Variants in SPATS2 observed in about 807,000 individuals in gnomAD.
SPATS2 encodes the protein spermatogenesis associated serine rich 2.
Under a neutral mutation model 63.7 loss-of-function variants are expected in SPATS2, and 38 were observed. The ratio of observed to expected loss-of-function variants is 0.60; its 90% CI spans 0.46 to 0.78. The LOEUF is 0.78. SPATS2 is among the 30% of genes least tolerant of loss of function. SPATS2 has a pLI of 0.00. For missense variants in SPATS2, 588 were observed against 666.2 expected (o/e 0.88, Z 1.29); for synonymous variants, 207 against 232.9 (o/e 0.89, Z 1.01).
intron 6 of SPATS2, among the ~76,000 whole-genome samples, chr12:49,492,440 T>C (rs1459274578): frequency 6.6e-6 from 1 of 151,610 alleles, no homozygotes; most frequent in Non-Finnish European, 1.5e-5. Flanking sequence ...TAGGCTGGTG[T>C]CGAACGCCTG....
chr12:49,489,194 A>G (rs114968740), intron 4 of SPATS2, among the ~76,000 whole-genome samples: 2,066 of 152,266 alleles, frequency 0.014, 45 homozygotes, highest in African/African-American at 0.041. Flanking sequence ...CCGAAATTAA[A>G]CCACCTTTTC....
intron 2 of SPATS2, among the ~76,000 whole-genome samples, chr12:49,433,872 G>A (rs1311510789): frequency 6.6e-6 from 1 of 152,106 alleles, no homozygotes; most frequent in Non-Finnish European, 1.5e-5. Context: ...GCCTCATGAA[G>A]CTTTCCCCTT....
At chr12:49,478,917 A>G (rs1946161501) in intron 3 of SPATS2, among the ~76,000 whole-genome samples, 1 of 152,122 alleles carries the variant, frequency 6.6e-6, no homozygotes, top group African/African-American at 2.4e-5. Flanking sequence ...GAGTGTTACA[A>G]CAGCTCAGCG....
At chr12:49,504,770 C>CTTTTTTTTTTTTTTTTTT (rs745453843) in intron 9 of SPATS2, among the ~76,000 whole-genome samples, 6 of 98,852 alleles carry the variant, frequency 6.1e-5, no homozygotes, top group Non-Finnish European at 1.2e-4. Context: ...TTCTTTCTTT[C>CTTTTTTTTTTTTTTTTTT]TTTTTTTTTT....
chr12:49,434,537 A>G (rs994780687), intron 2 of SPATS2, among the ~76,000 whole-genome samples: 1 of 152,212 alleles, frequency 6.6e-6, no homozygotes, highest in Non-Finnish European at 1.5e-5. Flanking sequence ...ATAAATATAA[A>G]AACTTTAGGC....
chr12:49,489,315 T>G, intron 4 of SPATS2, 150 bp from the exon 5 acceptor site: 2 of 490,968 alleles, frequency 4.1e-6, no homozygotes, highest in Non-Finnish European at 7.1e-6. Context: ...TCATTCCCAG[T>G]GAGATGCTTG....
intron 8 of SPATS2, among the ~76,000 whole-genome samples, chr12:49,498,145 A>AAAATATATATATATATATATAT (rs66900382): frequency 3.7e-4 from 37 of 98,944 alleles, no homozygotes; most frequent in Middle Eastern, 4.9e-3. Context: ...AAAAAAAAAA[A>AAAATATATATATATATATATAT]ATATATATAT....
intron 3 of SPATS2, chr12:49,462,265 CT>C: frequency 1.4e-6 from 1 of 702,238 alleles, no homozygotes; most frequent in Non-Finnish European, 2.6e-6. Flanking sequence ...CCTCTCTCAA[CT>C]CCTCACAGGA....
At chr12:49,480,004 A>T (rs987413056) in intron 3 of SPATS2, among the ~76,000 whole-genome samples, 2 of 152,202 alleles carry the variant, frequency 1.3e-5, no homozygotes, top group Non-Finnish European at 2.9e-5. Flanking sequence ...AAGAGAGGAT[A>T]TTCTGGGAGG....
At chr12:49,385,300 C>T (rs2137211696) in intron 2 of SPATS2, among the ~76,000 whole-genome samples, 1 of 148,734 alleles carries the variant, frequency 6.7e-6, no homozygotes, top group Non-Finnish European at 1.5e-5. Flanking sequence ...AAACAAAAAC[C>T]ATGAAAAAAA....
At chr12:49,442,061 C>G (rs905107861) in intron 2 of SPATS2, among the ~76,000 whole-genome samples, 1 of 152,180 alleles carries the variant, frequency 6.6e-6, no homozygotes, top group African/African-American at 2.4e-5. Context: ...ATGCACAACT[C>G]TGACTCCACA....
intron 2 of SPATS2, among the ~76,000 whole-genome samples, chr12:49,449,461 G>C (rs1028456305): frequency 6.6e-6 from 1 of 152,168 alleles, no homozygotes; most frequent in Non-Finnish European, 1.5e-5. Context: ...TGATCCGCCT[G>C]CCTCAGCCTC....
intron 2 of SPATS2, among the ~76,000 whole-genome samples, chr12:49,447,788 C>T (rs1945541468): frequency 6.6e-6 from 1 of 152,030 alleles, no homozygotes; most frequent in African/African-American, 2.4e-5. Flanking sequence ...TCTTCATAAT[C>T]CCTTGAATTT....
rs539977686 is a variant in SPATS2 at position 49,464,103 on chromosome 12, A to G, written c.25+3066A>G. ...GCAACATCTAAGCCCTTTTAAACAC[A>G]GTTTTATTGAGGTATAATTTAAATA... On this transcript the variant is annotated intron_variant, in intron 3 of 13. Coordinates refer to ENST00000552918, the MANE Select transcript of SPATS2 (RefSeq NM_023071.4). Among the ~76,000 whole-genome samples, 201 of 152,346 alleles carry G rather than the reference A, an allele frequency of 1.3e-3. 2 individuals carry two copies. Among genetic ancestry groups the G allele is most frequent in the African/African-American group, 4.6e-3 (190 of 41,592 alleles).
chr12:49,393,380 G>T (rs1944453731), intron 2 of SPATS2, among the ~76,000 whole-genome samples: 1 of 151,934 alleles, frequency 6.6e-6, no homozygotes, highest in South Asian at 2.1e-4. Flanking sequence ...TTACATTAAG[G>T]CATACAAAAT....
rs370122659 is a variant in SPATS2, at chr12:49,418,039, C to T, written c.-243-42731C>T. ...AGACTACAGGCGCATGCCACCATGC[C>T]GGGCTAATTTTTATGTTTTTTTTGT... On this transcript the variant is annotated intron_variant, in intron 2 of 13. Coordinates refer to ENST00000552918, the MANE Select transcript of SPATS2 (RefSeq NM_023071.4). Among the ~76,000 whole-genome samples the T allele has an allele frequency of 3.1e-3, 468 of 151,484 alleles. 8 individuals are homozygous for T. Among genetic ancestry groups the T allele is most frequent in the African/African-American group, 0.011 (442 of 41,186 alleles).
chr12:49,475,856 G>A (rs908860378), intron 3 of SPATS2, among the ~76,000 whole-genome samples: 3 of 152,134 alleles, frequency 2.0e-5, no homozygotes, highest in African/African-American at 7.2e-5. Context: ...GAGATGTCCT[G>A]GAGACAGAAG....
intron 13 of SPATS2, 35 bp from the exon 14 acceptor site, chr12:49,525,909 A>C: frequency 6.3e-7 from 1 of 1,595,786 alleles, no homozygotes; most frequent in Non-Finnish European, 8.5e-7. Flanking sequence ...CCATAATGCT[A>C]GAGCACCTTG....
chr12:49,373,388 A>G (rs978035173), intron 2 of SPATS2, among the ~76,000 whole-genome samples: 6 of 152,186 alleles, frequency 3.9e-5, no homozygotes, highest in South Asian at 2.1e-4. Context: ...TGGGGGCCTT[A>G]TAGGAGACTT....
Sources: allele counts gnomAD v4.1 joint callset (sites outside exome capture counted in the v4.1 genomes callset), GRCh38; gene constraint gnomAD v4.1.1; transcripts MANE v1.5; gene names NCBI Gene and HGNC (gene_info 2026-07-23, HGNC 2026-07-21).